ZNF385D: variants seen among roughly 807,000 people sequenced by gnomAD.
The protein encoded by ZNF385D is zinc finger protein 659.
A neutral mutation model predicts 35.8 loss-of-function variants in ZNF385D; 15 were observed. The observed-to-expected ratio is 0.42, with a 90% confidence interval of 0.28 to 0.64. The LOEUF is 0.64. Among genes scored for constraint, ZNF385D ranks in the 30% least tolerant of loss-of-function variants. The probability of loss-of-function intolerance (pLI) is 0.23; values close to 1 mark genes in which losing one functional copy is unlikely to be tolerated. For synonymous variants in ZNF385D, 212 were observed against 186.8 expected (o/e 1.13, Z -1.10); for missense variants, 474 against 494.6 (o/e 0.96, Z 0.39).
chr3:21,786,746 T>G (rs1189667010), intron 3 of ZNF385D, among the ~76,000 whole-genome samples: 1 of 152,214 alleles, frequency 6.6e-6, no homozygotes, highest in East Asian at 1.9e-4. Flanking sequence ...GCATTATGCT[T>G]TTGCCATGTC....
intron 2 of ZNF385D, among the ~76,000 whole-genome samples, chr3:21,629,806 G>A (rs1467107232): frequency 6.6e-6 from 1 of 152,084 alleles, no homozygotes; most frequent in Non-Finnish European, 1.5e-5. Context: ...GGATTAAGCA[G>A]AAAGAGGCAA....
chr3:21,466,845 TA>T (rs1703548784), intron 4 of ZNF385D, among the ~76,000 whole-genome samples: 1 of 152,156 alleles, frequency 6.6e-6, no homozygotes, highest in African/African-American at 2.4e-5. Context: ...ACTGTGAACT[TA>T]GGAGAGTATC....
At chr3:21,627,063 T>C (rs562433828) in intron 2 of ZNF385D, among the ~76,000 whole-genome samples, 2 of 151,886 alleles carry the variant, frequency 1.3e-5, no homozygotes, top group Non-Finnish European at 2.9e-5. Context: ...TTTTTTTTTT[T>C]CTCCTACACA....
At chr3:21,470,980 T>C (rs1403422076) in intron 4 of ZNF385D, among the ~76,000 whole-genome samples, 2 of 152,122 alleles carry the variant, frequency 1.3e-5, no homozygotes, top group Non-Finnish European at 1.5e-5. Context: ...CTATTTTCAA[T>C]ACTTAAAGGG....
intron 3 of ZNF385D, among the ~76,000 whole-genome samples, chr3:21,980,160 C>A (rs1003414941): frequency 1.1e-4 from 16 of 152,102 alleles, no homozygotes; most frequent in African/African-American, 3.9e-4. Flanking sequence ...ACTACTAAGA[C>A]CTCTTGCCAA....
Position 21,714,927 on chromosome 3 carries a change from C to CAGGG in ZNF385D, c.22+35967_22+35968insCCCT, listed in dbSNP as rs2068253966. ...TGTAACAGATGAACGTATACATCATCTCACATAGTTACCCTCTGCCCGATG... is the reference window on the plus strand; with the variant it reads ...TGTAACAGATGAACGTATACATCATCAGGGTCACATAGTTACCCTCTGCCCGATG... On this transcript the variant is annotated intron_variant, in intron 1 of 7. Transcript: ENST00000281523. 1.2e-4 allele frequency among the ~76,000 whole-genome samples: 18 copies of CAGGG among 152,296 alleles called. No homozygotes were observed. The South Asian group carries it at 3.1e-3, about 26-fold the overall frequency.
At chr3:22,125,021 GGTTTT>G (rs1008843162) in intron 3 of ZNF385D, among the ~76,000 whole-genome samples, 11 of 151,988 alleles carry the variant, frequency 7.2e-5, no homozygotes, top group African/African-American at 2.2e-4. Context: ...GTTTCCCCAA[GGTTTT>G]ATTTTAGCAG....
Position 21,566,253 on chromosome 3 carries a change from T to TAAC in ZNF385D, c.166-1572_166-1570dup, listed in dbSNP as rs1553613966. 2.6e-5 allele frequency among the ~76,000 whole-genome samples: 4 copies of TAAC among 152,106 alleles called. No individual in the cohort carries two copies. In the East Asian group the frequency reaches 7.7e-4, roughly 29 times the overall value. ...CCACCTTCCCTTTAAATTTATTATCTAACAAACATTAATCCTTGCCCAAAT... is the reference window on the plus strand; with the variant it reads ...CCACCTTCCCTTTAAATTTATTATCTAACAACAAACATTAATCCTTGCCCAAAT... On this transcript the variant is annotated intron_variant, in intron 2 of 7. Transcript: ENST00000281523.
At position 21,424,712 on chromosome 3, in the gene ZNF385D, C is replaced by T. The variant is rs1005991126; in HGVS notation, c.853-648G>A. Among the ~76,000 whole-genome samples the T allele has an allele frequency of 3.6e-5, 3 of 84,124 alleles. No individual in the cohort carries two copies. The South Asian group carries it at 1.2e-3, about 33-fold the overall frequency. 55.2% of individuals were successfully genotyped at this position (84,124 alleles called of 152,430 possible). A position where few individuals can be genotyped will look rare whatever the true frequency, so the allele number is the denominator to read the frequency against. On this transcript the variant is annotated intron_variant, in intron 6 of 7. Transcript: ENST00000281523. ...CTCTTTTTTTTTTTTTTTTGAAAAACATTTACAAAGGGAAGGAATGTCTAA... is the reference window on the plus strand; with the variant it reads ...CTCTTTTTTTTTTTTTTTTGAAAAATATTTACAAAGGGAAGGAATGTCTAA...
chr3:22,022,917 T>C (rs1697309423), intron 3 of ZNF385D, among the ~76,000 whole-genome samples: 1 of 152,124 alleles, frequency 6.6e-6, no homozygotes, highest in Non-Finnish European at 1.5e-5. Flanking sequence ...AAGGCAAATA[T>C]GGTTGGCCCT....
chr3:21,900,460 T>C (rs1421792963), intron 3 of ZNF385D, among the ~76,000 whole-genome samples: 18 of 152,174 alleles, frequency 1.2e-4, no homozygotes, highest in Admixed American at 1.2e-3. Flanking sequence ...CTTTGCTGAT[T>C]ACTATAACAA....
chr3:21,597,721 G>A (rs903847393), intron 2 of ZNF385D, among the ~76,000 whole-genome samples: 3 of 152,156 alleles, frequency 2.0e-5, no homozygotes, highest in African/African-American at 7.2e-5. Flanking sequence ...GATTTATCTG[G>A]AACATTAAGT....
intron 4 of ZNF385D, among the ~76,000 whole-genome samples, chr3:21,498,262 A>AAAC (rs1706071493): frequency 6.6e-6 from 1 of 152,298 alleles, no homozygotes; most frequent in South Asian, 2.1e-4. Context: ...AATGACAGAA[A>AAAC]AACACCAGGA....
At chr3:21,860,160 T>G (rs927802282) in intron 3 of ZNF385D, among the ~76,000 whole-genome samples, 4 of 152,118 alleles carry the variant, frequency 2.6e-5, no homozygotes, top group South Asian at 4.1e-4. Context: ...AAAAAAGTAT[T>G]TCTAAAAGAG....
intron 3 of ZNF385D, among the ~76,000 whole-genome samples, chr3:22,086,018 ACT>A (rs2125592158): frequency 6.6e-6 from 1 of 152,188 alleles, no homozygotes; most frequent in Non-Finnish European, 1.5e-5. Context: ...CATGCTAAAA[ACT>A]CTCAATAAAT....
intron 2 of ZNF385D, among the ~76,000 whole-genome samples, chr3:22,229,528 T>C (rs1291959769): frequency 6.6e-6 from 1 of 152,206 alleles, no homozygotes; most frequent in African/African-American, 2.4e-5. Flanking sequence ...TTTATGATTG[T>C]GGGTTATAGC....
intron 4 of ZNF385D, among the ~76,000 whole-genome samples, chr3:21,440,120 T>C (rs1429298810): frequency 6.6e-6 from 1 of 152,098 alleles, no homozygotes; most frequent in Non-Finnish European, 1.5e-5. Flanking sequence ...GTAAGGTAAA[T>C]ATATTTTAGC....
chr3:21,978,700 T>C (rs906133420), intron 3 of ZNF385D, among the ~76,000 whole-genome samples: 1 of 152,220 alleles, frequency 6.6e-6, no homozygotes, highest in Non-Finnish European at 1.5e-5. Flanking sequence ...GATAGCTCAT[T>C]GTAAATTTAA....
rs748563940 is a variant in ZNF385D, at chr3:21,437,079, G to T, written c.564C>A (p.Ser188Arg). Residue 188 changes from serine to arginine, a missense_variant, in exon 5 of 8, where the codon AGC becomes AGA. Transcript: ENST00000281523. ...CCTCGGTCTCAGTAGAAGGACATGA[G>T]CTATTGCCAGTGGCTGTCGTTGGGC... is the stretch of plus-strand genomic sequence containing the variant. The part of the protein sequence containing the change: ...EKSPTTATGN[S>R]SCPSTETEEE... 15 of 1,613,896 alleles carry T rather than the reference G, an allele frequency of 9.3e-6. No homozygotes were observed. The highest frequency in any genetic ancestry group is 1.2e-5 in the Non-Finnish European group (14 of 1,179,920).
Sources: allele counts gnomAD v4.1 joint callset (sites outside exome capture counted in the v4.1 genomes callset), GRCh38; gene constraint gnomAD v4.1.1; transcripts MANE v1.5; gene names NCBI Gene and HGNC (gene_info 2026-07-23, HGNC 2026-07-21).